Variants in SNTG1 observed in about 807,000 individuals in gnomAD.
SNTG1 encodes syntrophin gamma 1.
Under a neutral mutation model 74.7 loss-of-function variants are expected in SNTG1, and 39 were observed. The observed-to-expected ratio is 0.52, with a 90% confidence interval of 0.40 to 0.68. The LOEUF (loss-of-function observed/expected upper bound fraction) is 0.68. Ranked by LOEUF, SNTG1 falls within the 30% of genes least tolerant of loss-of-function variation. The pLI, the probability that SNTG1 is intolerant of heterozygous loss-of-function variation, is 0.00. For synonymous variants in SNTG1, 254 were observed against 217.1 expected (o/e 1.17, Z -1.49); for missense variants, 685 against 609.5 (o/e 1.12, Z -1.30).
chr8:50,078,369 T>G (rs1285807815), intron 1 of SNTG1, among the ~76,000 whole-genome samples: 1 of 152,180 alleles, frequency 6.6e-6, no homozygotes, highest in Non-Finnish European at 1.5e-5. Flanking sequence ...GAGAATTGCC[T>G]TCTTCCCGGC....
At chr8:50,059,014 A>G (rs1026586467) in intron 1 of SNTG1, among the ~76,000 whole-genome samples, 9 of 152,004 alleles carry the variant, frequency 5.9e-5, no homozygotes, top group African/African-American at 7.2e-5. Context: ...GGCATTTGGG[A>G]TTGCCTTTTT....
intron 2 of SNTG1, among the ~76,000 whole-genome samples, chr8:50,388,147 A>G (rs1031762279): frequency 1.3e-5 from 2 of 152,184 alleles, no homozygotes; most frequent in African/African-American, 4.8e-5. Context: ...TAAGACAGGC[A>G]TATGCATTTT....
intron 1 of SNTG1, among the ~76,000 whole-genome samples, chr8:49,948,417 ATTG>A (rs1809403797): frequency 6.6e-6 from 1 of 152,094 alleles, no homozygotes; most frequent in East Asian, 1.9e-4. Context: ...TTGTAGATCT[ATTG>A]TTGTGAGGAA....
chr8:50,535,362 G>A (rs2094300104), intron 10 of SNTG1, among the ~76,000 whole-genome samples: 1 of 152,134 alleles, frequency 6.6e-6, no homozygotes, highest in Admixed American at 6.6e-5. Flanking sequence ...GTCATATGCT[G>A]ACCACCTGTA....
At chr8:50,309,382 C>A (rs1353962189) in intron 2 of SNTG1, among the ~76,000 whole-genome samples, 1 of 151,246 alleles carries the variant, frequency 6.6e-6, no homozygotes, top group African/African-American at 2.4e-5. Flanking sequence ...AATCACTGTT[C>A]TGTAAAAATG....
intron 18 of SNTG1, among the ~76,000 whole-genome samples, chr8:50,787,617 G>T (rs2095679333): frequency 1.3e-5 from 2 of 151,992 alleles, no homozygotes; most frequent in Admixed American, 1.3e-4. Flanking sequence ...TTCAACAGGT[G>T]ATGAATGGGG....
intron 18 of SNTG1, among the ~76,000 whole-genome samples, chr8:50,757,896 A>T (rs1029444001): frequency 1.3e-5 from 2 of 151,922 alleles, no homozygotes; most frequent in East Asian, 1.9e-4. Flanking sequence ...GTTTACAACT[A>T]AACCAAGTCC....
rs546328511 is a variant in SNTG1 at position 50,559,989 on chromosome 8, A to T, written c.810+6810A>T. 3.3e-5 allele frequency among the ~76,000 whole-genome samples: 5 copies of T among 152,308 alleles called. No homozygotes were observed. The South Asian group carries it at 1.0e-3, about 32-fold the overall frequency. On this transcript the variant is annotated intron_variant, in intron 12 of 18. Coordinates refer to ENST00000642720, the MANE Select transcript of SNTG1 (RefSeq NM_018967.5). ...CCATCTATCCATCTGACAAAGGCCT[A>T]ATATCTGGCGTCTACAAGTAACTTA...
At chr8:50,092,764 A>G (rs1353592289) in intron 1 of SNTG1, among the ~76,000 whole-genome samples, 1 of 152,058 alleles carries the variant, frequency 6.6e-6, no homozygotes, top group African/African-American at 2.4e-5. Flanking sequence ...TGACTATCAC[A>G]ACCATGTTAC....
At chr8:49,942,939 G>A (rs1047764967) in intron 1 of SNTG1, among the ~76,000 whole-genome samples, 4 of 152,056 alleles carry the variant, frequency 2.6e-5, no homozygotes, top group African/African-American at 9.7e-5. Context: ...GAGGATTTAG[G>A]CTTCATCTCT....
intron 2 of SNTG1, among the ~76,000 whole-genome samples, chr8:50,308,120 T>C (rs2089971910): frequency 6.6e-6 from 1 of 151,742 alleles, no homozygotes; most frequent in Non-Finnish European, 1.5e-5. Flanking sequence ...TGTTTTATCG[T>C]TGTCCTGCAA....
At chr8:50,110,856 G>A (rs1372507963) in intron 1 of SNTG1, among the ~76,000 whole-genome samples, 5 of 152,060 alleles carry the variant, frequency 3.3e-5, no homozygotes, top group Admixed American at 3.3e-4. Context: ...GGGCCAATGG[G>A]GAGGGTTGCC....
At chr8:50,430,377 C>T (rs1258571529) in intron 4 of SNTG1, among the ~76,000 whole-genome samples, 1 of 152,016 alleles carries the variant, frequency 6.6e-6, no homozygotes, top group African/African-American at 2.4e-5. Flanking sequence ...AACTAGTTTC[C>T]ACAACCTCGT....
At chr8:49,994,160 C>T (rs1312272540) in intron 1 of SNTG1, among the ~76,000 whole-genome samples, 2 of 151,864 alleles carry the variant, frequency 1.3e-5, no homozygotes, top group Admixed American at 6.6e-5. Flanking sequence ...TAATATGCTT[C>T]GTCTTAGTAT....
chr8:50,490,238 C>T (rs1283441451), intron 8 of SNTG1, among the ~76,000 whole-genome samples: 3 of 152,058 alleles, frequency 2.0e-5, no homozygotes, highest in Admixed American at 6.5e-5. Context: ...TGCTCAGGAT[C>T]GCTTTGGCTA....
At position 50,404,536 on chromosome 8, in the gene SNTG1, C is replaced by G. The variant is rs537224900; in HGVS notation, c.162+2192C>G. Among the ~76,000 whole-genome samples the G allele has an allele frequency of 5.9e-5, 9 of 151,818 alleles. No homozygotes were observed. The East Asian group carries it at 1.7e-3, about 29-fold the overall frequency. On this transcript the variant is annotated intron_variant, in intron 4 of 18. Transcript: ENST00000642720. ...TACTATAAGATTCTAATAATAAATACAATGTAATGCTGTAATAAATTCAGG... is the reference window on the plus strand; with the variant it reads ...TACTATAAGATTCTAATAATAAATAGAATGTAATGCTGTAATAAATTCAGG...
intron 11 of SNTG1, among the ~76,000 whole-genome samples, chr8:50,552,043 T>A (rs928320113): frequency 2.0e-5 from 3 of 152,182 alleles, no homozygotes; most frequent in Admixed American, 2.0e-4. Flanking sequence ...CCAGGAAAGG[T>A]GTTTGGAGAA....
intron 1 of SNTG1, among the ~76,000 whole-genome samples, chr8:49,977,892 C>T (rs1308077741): frequency 2.0e-5 from 3 of 152,176 alleles, no homozygotes; most frequent in Admixed American, 1.3e-4. Context: ...GGGCGTTAGA[C>T]GGTCTTCAGT....
intron 4 of SNTG1, among the ~76,000 whole-genome samples, chr8:50,435,513 A>G (rs1317875112): frequency 6.6e-6 from 1 of 152,154 alleles, no homozygotes; most frequent in Admixed American, 6.6e-5. Context: ...GCAGAGGTGT[A>G]AGGGGATAAA....
Sources: gnomAD v4.1 joint callset for allele counts (sites outside exome capture counted in the v4.1 genomes callset) on GRCh38, gnomAD v4.1.1 for gene constraint, MANE v1.5 for transcripts, NCBI Gene and HGNC (gene_info 2026-07-23, HGNC 2026-07-21) for gene names.